CXCL13: variants seen among roughly 807,000 people sequenced by gnomAD.
The protein encoded by CXCL13 is C-X-C motif chemokine ligand 13.
CXCL13 carries 7 observed loss-of-function variants against 12.2 expected under a neutral mutation model. The ratio of observed to expected loss-of-function variants is 0.57; its 90% confidence interval spans 0.33 to 1.07. The LOEUF (loss-of-function observed/expected upper bound fraction) is 1.07. Among genes scored for constraint, CXCL13 ranks in the 50% least tolerant of loss-of-function variants. The pLI is 0.04. For synonymous variants in CXCL13, 47 were observed against 42.4 expected (o/e 1.11, Z -0.42); for missense variants, 113 against 127.4 (o/e 0.89, Z 0.55).
upstream of CXCL13, among the ~76,000 whole-genome samples, chr4:77,604,114 CTG>C (rs1481831645): frequency 6.6e-6 from 1 of 152,224 alleles, no homozygotes; most frequent in Non-Finnish European, 1.5e-5. Flanking sequence ...ACAGCCTCTA[CTG>C]ATAACCTCCT....
At chr4:77,560,091 G>A (rs189624468) in intron 1 of CXCL13, among the ~76,000 whole-genome samples, 228 of 151,392 alleles carry the variant, frequency 1.5e-3, no homozygotes, top group African/African-American at 5.3e-3. Flanking sequence ...TTTTTGTTTT[G>A]GATATGTTAA....
intron 1 of CXCL13, among the ~76,000 whole-genome samples, chr4:77,536,780 C>T (rs937476308): frequency 2.0e-5 from 3 of 152,172 alleles, no homozygotes; most frequent in Non-Finnish European, 2.9e-5. Context: ...GCTGATTCAA[C>T]TATCTCTGAT....
In CXCL13 at chr4:77,536,436, G is replaced by T. The variant is rs1005839682; in HGVS notation, c.-43+24648G>T. ...TTAATCACTAAGAGTATAGGTTCTG[G>T]AGCCAGTCTGCCTGGGTTCAAATCC... On this transcript the variant is annotated intron_variant, in intron 1 of 4. Coordinates refer to the CXCL13 transcript ENST00000286758. Among the ~76,000 whole-genome samples, 12 of 152,214 alleles carry T rather than the reference G, an allele frequency of 7.9e-5. No homozygotes were observed. In the East Asian group the frequency reaches 2.3e-3, roughly 29 times the overall value.
rs1727122392 is a variant in CXCL13, at chr4:77,610,632, G to A, written c.216G>A (p.Lys72=). The change falls in exon 3 of 4, where the codon AAG becomes AAA. Residue 72 remains lysine (K), a synonymous_variant. Transcript: ENST00000682537. ...CCCCCAGAGTCTGGAAGAAGAACAAGTCAATTGTGTGTGTGGACCCTCAAG... is the reference window on the plus strand; with the variant it reads ...CCCCCAGAGTCTGGAAGAAGAACAAATCAATTGTGTGTGTGGACCCTCAAG... ...RKEIIVWKKN[K]SIVCVDPQAE... The A allele has an allele frequency of 3.7e-6, 6 of 1,612,812 alleles. No homozygotes were observed. Among genetic ancestry groups the A allele is most frequent in the Middle Eastern group, 1.7e-4 (1 of 6,060 alleles).
chr4:77,595,231 A>G (rs1484357087), intron 1 of CXCL13, among the ~76,000 whole-genome samples: 7 of 151,840 alleles, frequency 4.6e-5, no homozygotes, highest in African/African-American at 1.7e-4. Context: ...AAGACCTCTT[A>G]TGCTATAATC....
intron 1 of CXCL13, among the ~76,000 whole-genome samples, chr4:77,599,050 C>T (rs987950105): frequency 2.6e-4 from 40 of 152,082 alleles, no homozygotes; most frequent in African/African-American, 8.9e-4. Context: ...CTCAGGTGAT[C>T]CACCTGCCTC....
chr4:77,560,637 A>G (rs1725790003), intron 1 of CXCL13, among the ~76,000 whole-genome samples: 1 of 152,182 alleles, frequency 6.6e-6, no homozygotes, highest in Non-Finnish European at 1.5e-5. Context: ...GTGCCTAACA[A>G]AGCTTTCCCA....
chr4:77,547,378 G>T (rs944961729), intron 1 of CXCL13, among the ~76,000 whole-genome samples: 1 of 152,086 alleles, frequency 6.6e-6, no homozygotes, highest in African/African-American at 2.4e-5. Flanking sequence ...TCTCTTTCTA[G>T]GTCTCTAAGG....
intron 1 of CXCL13, among the ~76,000 whole-genome samples, chr4:77,550,672 A>G (rs1725494627): frequency 6.6e-6 from 1 of 152,150 alleles, no homozygotes; most frequent in African/African-American, 2.4e-5. Flanking sequence ...TTTCTCCGTT[A>G]GTTTTCTGCC....
At chr4:77,583,936 T>C (rs914644496) in intron 1 of CXCL13, among the ~76,000 whole-genome samples, 13 of 151,502 alleles carry the variant, frequency 8.6e-5, no homozygotes, top group African/African-American at 2.9e-4. Flanking sequence ...GGGAACTACA[T>C]GGGACACTCT....
chr4:77,579,874 G>T (rs1486560108), intron 1 of CXCL13, among the ~76,000 whole-genome samples: 2 of 152,128 alleles, frequency 1.3e-5, no homozygotes, highest in African/African-American at 2.4e-5. Context: ...GAGCAATGCT[G>T]GTGACTAGAA....
At chr4:77,540,694 A>G (rs1442385344) in intron 1 of CXCL13, among the ~76,000 whole-genome samples, 3 of 152,146 alleles carry the variant, frequency 2.0e-5, no homozygotes, top group African/African-American at 4.8e-5. Context: ...GGCTGATTCT[A>G]TGCCTGCTAT....
chr4:77,602,333 T>C (rs1459025613), upstream of CXCL13, among the ~76,000 whole-genome samples: 1 of 152,240 alleles, frequency 6.6e-6, no homozygotes, highest in African/African-American at 2.4e-5. Flanking sequence ...AAATAAGGTA[T>C]CTATGCATCA....
intron 1 of CXCL13, among the ~76,000 whole-genome samples, chr4:77,573,396 GTGTGTGTGTGTGTGTA>G (rs1238901280): frequency 1.5e-4 from 22 of 150,478 alleles, no homozygotes; most frequent in African/African-American, 5.4e-4. Flanking sequence ...GTGTGTGTGT[GTGTGTGTGTGTGTGTA>G]TGTCTAAATG....
chr4:77,581,745 A>C (rs1049155907), intron 1 of CXCL13, among the ~76,000 whole-genome samples: 1 of 152,092 alleles, frequency 6.6e-6, no homozygotes, highest in African/African-American at 2.4e-5. Context: ...CTCCCCCATT[A>C]GCCTATAGAC....
At chr4:77,559,747 C>A (rs912196492) in intron 1 of CXCL13, among the ~76,000 whole-genome samples, 1 of 151,850 alleles carries the variant, frequency 6.6e-6, no homozygotes. Context: ...ATTGTGAAAC[C>A]CCGTCTCTAC....
Position 77,535,345 on chromosome 4 carries a change from G to A in CXCL13, c.-43+23557G>A, listed in dbSNP as rs184663339. On this transcript the variant is annotated intron_variant, in intron 1 of 4. Coordinates refer to the CXCL13 transcript ENST00000286758. Reference sequence around the variant, plus strand: ...TCTTCAATGTATTCCTTCCCTTATAGGCGTACCCTTTCCAGTTGAGCCATG... The same window carrying A: ...TCTTCAATGTATTCCTTCCCTTATAAGCGTACCCTTTCCAGTTGAGCCATG... Among the ~76,000 whole-genome samples, 18 of 152,052 alleles carry A rather than the reference G, an allele frequency of 1.2e-4. No homozygotes were observed. In the East Asian group the frequency reaches 3.5e-3, roughly 29 times the overall value.
chr4:77,557,418 A>G (rs764833577), intron 1 of CXCL13, among the ~76,000 whole-genome samples: 20 of 152,150 alleles, frequency 1.3e-4, no homozygotes, highest in Admixed American at 1.0e-3. Context: ...ATGGATCATG[A>G]CTATATATTG....
chr4:77,515,206 G>A (rs1339225867), intron 1 of CXCL13, among the ~76,000 whole-genome samples: 2 of 152,184 alleles, frequency 1.3e-5, no homozygotes, highest in Non-Finnish European at 2.9e-5. Context: ...TTTGGTTACT[G>A]TAGCCTTGTA....
Sources: gnomAD v4.1 joint callset for allele counts (sites outside exome capture counted in the v4.1 genomes callset) on GRCh38, gnomAD v4.1.1 for gene constraint, MANE v1.5 for transcripts, NCBI Gene and HGNC (gene_info 2026-07-23, HGNC 2026-07-21) for gene names.